ENTPD1: variants seen among roughly 807,000 people sequenced by gnomAD.
ENTPD1 encodes ectonucleoside triphosphate diphosphohydrolase 1, also known as ATP diphosphohydrolase.
ENTPD1 carries 33 observed loss-of-function variants against 57.0 expected under a neutral mutation model. The ratio of observed to expected loss-of-function variants is 0.58; its 90% CI spans 0.44 to 0.77. The LOEUF (loss-of-function observed/expected upper bound fraction) is 0.77, where lower values mean the gene tolerates loss of function less well. Ranked by LOEUF, ENTPD1 falls within the 30% of genes least tolerant of loss-of-function variation. The pLI, the probability that ENTPD1 is intolerant of heterozygous loss-of-function variation, is 0.00. For synonymous variants in ENTPD1, 202 were observed against 218.8 expected, an observed-to-expected ratio of 0.92 and a Z score of 0.68; for missense variants, 501 against 603.4, an observed-to-expected ratio of 0.83 and a Z score of 1.78.
At position 95,877,148 on chromosome 10, in the gene ENTPD1, G is replaced by T. The variant is rs2141045573; in HGVS notation, c.*10765G>T. On this transcript the variant is annotated 3_prime_UTR_variant, in exon 10 of 10. Transcript: ENST00000371205. ...ATTGGTTATCTTATAGAGTCTCCTA[G>T]AATATTTCATTGGCATTGAGAAGGT... Among the ~76,000 whole-genome samples the T allele has an allele frequency of 6.6e-6, 1 of 152,276 alleles. No individual in the cohort carries two copies. The highest frequency in any genetic ancestry group is 1.9e-4 in the East Asian group (1 of 5,190).
At chr10:95,823,114 A>C (rs2098359538) in intron 1 of ENTPD1, 123 bp from the exon 2 acceptor site, 5 of 1,156,420 alleles carry the variant, frequency 4.3e-6, no homozygotes, top group Non-Finnish European at 6.3e-6. Context: ...TTGATAAAAA[A>C]GATTGGCTTT....
chr10:95,871,700 A>G lies in ENTPD1; in HGVS notation c.*5317A>G. On this transcript the variant is annotated 3_prime_UTR_variant, in exon 10 of 10. Transcript: ENST00000371205. ...TTTACATAAATTAAGTTATAAATTG[A>G]CACTATAATCAACTGACACCATGAT... 1 of 985,444 alleles carries G rather than the reference A, an allele frequency of 1.0e-6. No homozygotes were observed. Among genetic ancestry groups the G allele is most frequent in the Non-Finnish European group, 1.2e-6 (1 of 829,914 alleles). The allele number at this position is 985,444 out of a possible 1,614,324, so 61.0% of individuals were successfully genotyped here. A position where few individuals can be genotyped will look rare whatever the true frequency, so the allele number is the denominator to read the frequency against.
intron 1 of ENTPD1, among the ~76,000 whole-genome samples, chr10:95,800,986 A>G (rs939384605): frequency 1.3e-5 from 2 of 152,200 alleles, no homozygotes; most frequent in Non-Finnish European, 2.9e-5. Context: ...AAGAGTATTG[A>G]TTGGGGAAGT....
chr10:95,787,857 ACAGTGCTTGT>A lies in ENTPD1; in HGVS notation c.16+31605_16+31614del, dbSNP rs2098186864. ...AAAAAAAGTATGTGAAGTGCCTACT[ACAGTGCTTGT>A]CATAAAGAAGGCTGCAGTGGATATG... On this transcript the variant is annotated intron_variant, in intron 1 of 9. Coordinates refer to ENST00000371205, the MANE Select transcript of ENTPD1 (RefSeq NM_001776.6). Among the ~76,000 whole-genome samples the A allele has an allele frequency of 3.9e-5, 6 of 152,302 alleles. No homozygotes were observed. In the South Asian group the frequency reaches 1.0e-3, roughly 26 times the overall value.
At chr10:95,855,196 CTTCT>C (rs1490755480) in intron 7 of ENTPD1, among the ~76,000 whole-genome samples, 9 of 151,912 alleles carry the variant, frequency 5.9e-5, no homozygotes, top group African/African-American at 2.2e-4. Flanking sequence ...ATGTAATGGC[CTTCT>C]TTGTCTCTTT....
At chr10:95,715,331 TA>T (rs1487332346) in intron 1 of ENTPD1, among the ~76,000 whole-genome samples, 5 of 152,226 alleles carry the variant, frequency 3.3e-5, no homozygotes, top group Admixed American at 3.3e-4. Flanking sequence ...TTCCTTGTCT[TA>T]ATGTGCCTTG....
At chr10:95,740,263 C>T (rs1589660885) in intron 1 of ENTPD1, among the ~76,000 whole-genome samples, 2 of 152,172 alleles carry the variant, frequency 1.3e-5, no homozygotes, top group African/African-American at 2.4e-5. Flanking sequence ...ATAGCTGGGA[C>T]TACAGACACG....
Position 95,871,028 on chromosome 10 carries a change from A to G in ENTPD1, c.*4645A>G, listed in dbSNP as rs1167049357. On this transcript the variant is annotated 3_prime_UTR_variant, in exon 10 of 10. Transcript: ENST00000371205. ...AACCCCGCAGAGGCTCGTGAAAGTG[A>G]GAGGAAACTAGGATGCCTCTTAAGG... 1 of 985,270 alleles carries G rather than the reference A, an allele frequency of 1.0e-6. No homozygotes were observed. Among genetic ancestry groups the G allele is most frequent in the Non-Finnish European group, 1.2e-6 (1 of 829,938 alleles). 61.0% of individuals were successfully genotyped at this position (985,270 alleles called of 1,614,324 possible). A position where few individuals can be genotyped will look rare whatever the true frequency, so the allele number is the denominator to read the frequency against.
At chr10:95,730,251 C>T (rs1263580347) in intron 1 of ENTPD1, among the ~76,000 whole-genome samples, 8 of 151,842 alleles carry the variant, frequency 5.3e-5, no homozygotes, top group Non-Finnish European at 8.8e-5. Context: ...GACAAGGTCC[C>T]GCCATGTTGC....
intron 1 of ENTPD1, among the ~76,000 whole-genome samples, chr10:95,786,405 G>T (rs910729262): frequency 6.6e-6 from 1 of 152,184 alleles, no homozygotes; most frequent in African/African-American, 2.4e-5. Flanking sequence ...CTGAAAAGGA[G>T]CCTGAAAGAC....
chr10:95,860,364 C>T, intron 7 of ENTPD1, 105 bp from the exon 8 acceptor site: 1 of 885,560 alleles, frequency 1.1e-6, no homozygotes, highest in South Asian at 1.4e-5. Flanking sequence ...TTAATTTACT[C>T]AGCAGAACTT....
intron 1 of ENTPD1, among the ~76,000 whole-genome samples, chr10:95,808,767 G>A (rs1277163535): frequency 8.0e-5 from 12 of 150,866 alleles, no homozygotes; most frequent in Admixed American, 3.3e-4. Context: ...GGTGTTTCTC[G>A]GAGAGGGGGA....
Position 95,868,060 on chromosome 10 carries a change from A to G in ENTPD1, c.*1677A>G. The G allele has an allele frequency of 1.0e-6, 1 of 985,124 alleles. No individual in the cohort carries two copies. The highest frequency in any genetic ancestry group is 4.7e-5 in the South Asian group (1 of 21,278). 61.0% of individuals were successfully genotyped at this position (985,124 alleles called of 1,614,324 possible). ...GTTGGTTGAGCATTTGTGGTGTACC[A>G]CGCTGTGTGCTCAAGGGTATTACAT... is the stretch of plus-strand genomic sequence containing the variant. On this transcript the variant is annotated 3_prime_UTR_variant, in exon 10 of 10. Coordinates refer to ENST00000371205, the MANE Select transcript of ENTPD1 (RefSeq NM_001776.6).
chr10:95,768,108 T>TAA (rs2098097631), intron 1 of ENTPD1, among the ~76,000 whole-genome samples: 1 of 152,246 alleles, frequency 6.6e-6, no homozygotes, highest in African/African-American at 2.4e-5. Flanking sequence ...AAACTTCTGT[T>TAA]GTTTATAAAT....
chr10:95,694,659 GA>G, the ENTPD1 span, among the ~76,000 whole-genome samples: 1 of 135,798 alleles, frequency 7.4e-6, no homozygotes, highest in African/African-American at 2.7e-5. Context: ...TAAGATGGAG[GA>G]ATGGAAATAG....
At chr10:95,752,252 G>C (rs1276502316), upstream of ENTPD1, among the ~76,000 whole-genome samples, 1 of 152,186 alleles carries the variant, frequency 6.6e-6, no homozygotes, top group Non-Finnish European at 1.5e-5. Context: ...GGAGAGAATG[G>C]AGGTGATGAA....
intron 1 of ENTPD1, among the ~76,000 whole-genome samples, chr10:95,736,292 G>A (rs971175007): frequency 2.6e-5 from 4 of 152,136 alleles, no homozygotes; most frequent in Admixed American, 6.5e-5. Flanking sequence ...GTGAGCTGTC[G>A]TGCCCAGCTA....
the ENTPD1 span, among the ~76,000 whole-genome samples, chr10:95,700,474 G>A: frequency 2.2e-4 from 33 of 152,214 alleles, 1 homozygote; most frequent in African/African-American, 7.7e-4. Flanking sequence ...ATCACTTGAG[G>A]CCAGGAGTTT....
chr10:95,724,161 C>CAAAAAA (rs35316347), intron 1 of ENTPD1, among the ~76,000 whole-genome samples: 1 of 50,342 alleles, frequency 2.0e-5, no homozygotes, highest in Non-Finnish European at 3.3e-5. Context: ...GACTCTGTCT[C>CAAAAAA]AAAAAAAAAA....
Sources: allele counts gnomAD v4.1 joint callset (sites outside exome capture counted in the v4.1 genomes callset), GRCh38; gene constraint gnomAD v4.1.1; transcripts MANE v1.5; gene names NCBI Gene and HGNC (gene_info 2026-07-23, HGNC 2026-07-21).